The following SV2C variants were observed in gnomAD, a reference collection of about 807,000 sequenced individuals.
SV2C encodes synaptic vesicle glycoprotein 2C.
In SV2C, 49 loss-of-function variants were observed where a neutral mutation model predicts 79.7. The observed-to-expected ratio is 0.61, with a 90% confidence interval of 0.49 to 0.78. The LOEUF is 0.78. Ranked by LOEUF, SV2C falls within the 30% of genes least tolerant of loss-of-function variation. The pLI is 0.00. For synonymous variants in SV2C, 334 were observed against 333.2 expected (o/e 1.00, Z -0.03); for missense variants, 833 against 912.9 (o/e 0.91, Z 1.13).
At chr5:76,294,986 G>A (rs778102397) in intron 8 of SV2C, among the ~76,000 whole-genome samples, 7 of 152,132 alleles carry the variant, frequency 4.6e-5, no homozygotes, top group South Asian at 2.1e-4. Flanking sequence ...GGCTCTCACC[G>A]TGCTTGGATC....
chr5:76,002,076 C>G, the SV2C span, among the ~76,000 whole-genome samples: 1 of 152,022 alleles, frequency 6.6e-6, no homozygotes, highest in African/African-American at 2.4e-5. Flanking sequence ...TGAGTAACTT[C>G]ACTTAGAAGA....
At chr5:76,289,284 T>C (rs1316342446) in intron 6 of SV2C, among the ~76,000 whole-genome samples, 3 of 152,136 alleles carry the variant, frequency 2.0e-5, no homozygotes, top group Non-Finnish European at 4.4e-5. Flanking sequence ...TTAACCCTAT[T>C]CACTCTCCTT....
chr5:76,308,495 TGAGCTACAATTTTTTCC>T, intron 12 of SV2C, among the ~76,000 whole-genome samples: 1 of 152,230 alleles, frequency 6.6e-6, no homozygotes, highest in Non-Finnish European at 1.5e-5. Context: ...AGCTGGCAGT[TGAGCTACAATTTTTTCC>T]TGGTGTTTGG....
the SV2C span, among the ~76,000 whole-genome samples, chr5:76,007,152 A>C: frequency 6.6e-6 from 1 of 152,018 alleles, no homozygotes; most frequent in South Asian, 2.1e-4. Context: ...TCTAGAGTCT[A>C]TGCAGTGATT....
intron 4 of SV2C, among the ~76,000 whole-genome samples, chr5:76,222,539 A>G (rs762768235): frequency 6.6e-6 from 1 of 151,832 alleles, no homozygotes; most frequent in Non-Finnish European, 1.5e-5. Context: ...TTGGTTTTCA[A>G]TATGGTTATG....
At chr5:76,062,478 T>C in the SV2C span, among the ~76,000 whole-genome samples, 37 of 152,264 alleles carry the variant, frequency 2.4e-4, 1 homozygote, top group East Asian at 3.9e-4. Context: ...CACCTTGATG[T>C]TGGATTTTCC....
At chr5:76,318,185 C>T (rs556464592) in intron 12 of SV2C, among the ~76,000 whole-genome samples, 31 of 152,174 alleles carry the variant, frequency 2.0e-4, no homozygotes, top group Admixed American at 1.3e-3. Context: ...TTTGGGAGGC[C>T]GAGGCGGGCA....
chr5:75,934,302 C>CTTTTTTTTTTTTTT, the SV2C span, among the ~76,000 whole-genome samples: 76 of 107,820 alleles, frequency 7.0e-4, 5 homozygotes, highest in African/African-American at 2.9e-3. Context: ...TTCTTTCTTT[C>CTTTTTTTTTTTTTT]TTTTTTTTTT....
chr5:76,319,774 G>A (rs889218855), intron 12 of SV2C, among the ~76,000 whole-genome samples: 1 of 152,178 alleles, frequency 6.6e-6, no homozygotes, highest in South Asian at 2.1e-4. Flanking sequence ...ACGCTATTCT[G>A]AGTTATACCA....
the SV2C span, among the ~76,000 whole-genome samples, chr5:76,058,072 T>G: frequency 5.3e-5 from 8 of 152,286 alleles, no homozygotes; most frequent in Admixed American, 1.3e-4. Context: ...CATTTCTTCT[T>G]TCATTTGCAT....
At chr5:76,125,469 G>A (rs1184678473) in intron 1 of SV2C, among the ~76,000 whole-genome samples, 1 of 152,092 alleles carries the variant, frequency 6.6e-6, no homozygotes, top group Non-Finnish European at 1.5e-5. Context: ...TGTATAATGA[G>A]AACTGCTCAC....
chr5:76,316,045 C>T (rs927423689), intron 12 of SV2C, among the ~76,000 whole-genome samples: 2 of 152,042 alleles, frequency 1.3e-5, no homozygotes, highest in African/African-American at 4.8e-5. Flanking sequence ...GGCATGGTTA[C>T]AAGAATAATG....
At chr5:75,906,793 C>T in the SV2C span, among the ~76,000 whole-genome samples, 1 of 152,128 alleles carries the variant, frequency 6.6e-6, no homozygotes, top group Non-Finnish European at 1.5e-5. Flanking sequence ...CATCTTACAG[C>T]AGTGGTTCCT....
At chr5:76,212,356 G>A (rs1744790327) in intron 4 of SV2C, among the ~76,000 whole-genome samples, 1 of 152,144 alleles carries the variant, frequency 6.6e-6, no homozygotes, top group Admixed American at 6.5e-5. Context: ...CTCCAGGTAG[G>A]TAGCCAGAAG....
At chr5:76,083,873 T>G (rs1747077827) in intron 1 of SV2C, 1 of 152,358 alleles carries the variant, frequency 6.6e-6, no homozygotes, top group Non-Finnish European at 1.5e-5. Context: ...TTTGCTTGTG[T>G]GGTTTGACCG....
the SV2C span, among the ~76,000 whole-genome samples, chr5:75,926,775 C>T: frequency 6.6e-6 from 1 of 152,180 alleles, no homozygotes; most frequent in South Asian, 2.1e-4. Flanking sequence ...CTTTGGTAAA[C>T]ACTCACAGTT....
chr5:75,920,366 A>C, the SV2C span, among the ~76,000 whole-genome samples: 1 of 152,172 alleles, frequency 6.6e-6, no homozygotes. Context: ...CAGGAGAAAA[A>C]CTTTAGATGG....
chr5:76,149,489 C>G (rs1749535405), intron 2 of SV2C, among the ~76,000 whole-genome samples: 1 of 152,072 alleles, frequency 6.6e-6, no homozygotes, highest in Non-Finnish European at 1.5e-5. Flanking sequence ...CTGTCCTGAG[C>G]CTCCCAGCCA....
At chr5:76,191,377 A>C (rs1375826036) in intron 2 of SV2C, among the ~76,000 whole-genome samples, 1 of 152,320 alleles carries the variant, frequency 6.6e-6, no homozygotes, top group African/African-American at 2.4e-5. Context: ...TTTCATTGAA[A>C]ATCAGTTTAT....
Sources: allele counts gnomAD v4.1 joint callset (sites outside exome capture counted in the v4.1 genomes callset), GRCh38; gene constraint gnomAD v4.1.1; transcripts MANE v1.5; gene names NCBI Gene and HGNC (gene_info 2026-07-23, HGNC 2026-07-21).